The following SGCG variants were observed in gnomAD, a reference collection of about 807,000 sequenced individuals.
SGCG encodes gamma-sarcoglycan.
SGCG carries 26 observed loss-of-function variants against 29.3 expected under a neutral mutation model. That is an observed-to-expected ratio of 0.89 (90% confidence interval 0.65 to 1.23). The LOEUF (loss-of-function observed/expected upper bound fraction) is 1.23, where lower values mean the gene tolerates loss of function less well. Among genes scored for constraint, SGCG ranks in the 50% most tolerant of loss-of-function variants. The probability of loss-of-function intolerance (pLI) is 0.00; values close to 1 mark genes in which losing one functional copy is unlikely to be tolerated. For synonymous variants in SGCG, 145 were observed against 129.7 expected (o/e 1.12, Z -0.80); for missense variants, 353 against 356.0 (o/e 0.99, Z 0.07).
chr13:23,257,212 G>A (rs887042409), intron 4 of SGCG, among the ~76,000 whole-genome samples: 11 of 152,000 alleles, frequency 7.2e-5, no homozygotes, highest in African/African-American at 1.9e-4. Context: ...CTTTGCCCAC[G>A]TTTTTGATTC....
chr13:23,266,931 T>C (rs994064097), intron 4 of SGCG, among the ~76,000 whole-genome samples: 1 of 152,154 alleles, frequency 6.6e-6, no homozygotes, highest in Admixed American at 6.6e-5. Flanking sequence ...AATTTCTTTG[T>C]AGCAATGCAA....
chr13:23,257,146 T>C (rs1468188816), intron 4 of SGCG, among the ~76,000 whole-genome samples: 1 of 152,194 alleles, frequency 6.6e-6, no homozygotes, highest in Non-Finnish European at 1.5e-5. Context: ...TGAGCATTTT[T>C]TCATGTGTCT....
chr13:23,312,821 T>G (rs1882653933), intron 6 of SGCG, among the ~76,000 whole-genome samples: 3 of 53,836 alleles, frequency 5.6e-5, no homozygotes, highest in Admixed American at 2.8e-4. Flanking sequence ...ATGTGACATT[T>G]GAAAAAAAAT....
At chr13:23,162,628 A>G in the SGCG span, among the ~76,000 whole-genome samples, 1 of 151,804 alleles carries the variant, frequency 6.6e-6, no homozygotes, top group Non-Finnish European at 1.5e-5. Context: ...TCCGTCTCTT[A>G]AAAACGAGCC....
the SGCG span, among the ~76,000 whole-genome samples, chr13:23,164,803 C>A: frequency 6.6e-6 from 1 of 152,194 alleles, no homozygotes; most frequent in Non-Finnish European, 1.5e-5. Context: ...CTGCTCCCTA[C>A]CACTCACAGC....
At chr13:23,228,833 GT>G (rs1348259485) in intron 2 of SGCG, among the ~76,000 whole-genome samples, 5 of 152,080 alleles carry the variant, frequency 3.3e-5, no homozygotes, top group Non-Finnish European at 7.4e-5. Flanking sequence ...GTATTCCATA[GT>G]GTATATGTAC....
At chr13:23,321,022 A>G (rs1373275812) in intron 7 of SGCG, among the ~76,000 whole-genome samples, 2 of 151,740 alleles carry the variant, frequency 1.3e-5, no homozygotes, top group African/African-American at 2.4e-5. Context: ...GTGACTTGTT[A>G]TTTTCAAGTC....
intron 4 of SGCG, among the ~76,000 whole-genome samples, chr13:23,271,466 A>C (rs1258500143): frequency 6.6e-6 from 1 of 152,220 alleles, no homozygotes; most frequent in Non-Finnish European, 1.5e-5. Context: ...TTACAAATTT[A>C]TGTTGAGCTG....
intron 2 of SGCG, among the ~76,000 whole-genome samples, chr13:23,206,890 CA>C (rs1878000646): frequency 6.6e-6 from 1 of 152,068 alleles, no homozygotes; most frequent in African/African-American, 2.4e-5. Context: ...TACATTGTAC[CA>C]AAAGTGATCT....
chr13:23,203,554 A>T (rs1156570696), intron 1 of SGCG, 141 bp from the exon 2 acceptor site: 6 of 690,618 alleles, frequency 8.7e-6, no homozygotes, highest in Non-Finnish European at 1.6e-5. Flanking sequence ...TTATCTTTTT[A>T]AAAATCATTA....
chr13:23,246,758 G>T, intron 3 of SGCG: 1 of 213,842 alleles, frequency 4.7e-6, no homozygotes, highest in South Asian at 8.5e-5. Flanking sequence ...GCAGCTGGCC[G>T]TCTCTCTTAA....
chr13:23,187,203 A>G (rs1303397945), intron 1 of SGCG, among the ~76,000 whole-genome samples: 1 of 152,182 alleles, frequency 6.6e-6, no homozygotes, highest in Admixed American at 6.5e-5. Context: ...AGCTGTGTCA[A>G]CTGGGTGAGC....
intron 3 of SGCG, among the ~76,000 whole-genome samples, chr13:23,237,469 A>G (rs1034999757): frequency 6.6e-6 from 1 of 152,262 alleles, no homozygotes; most frequent in Non-Finnish European, 1.5e-5. Context: ...AGGCAAGCCC[A>G]TTGCATAAGA....
intron 2 of SGCG, among the ~76,000 whole-genome samples, chr13:23,233,233 C>T (rs1879177442): frequency 6.6e-6 from 1 of 151,868 alleles, no homozygotes; most frequent in Non-Finnish European, 1.5e-5. Context: ...ATTATTCAGC[C>T]TTAAAAAAAC....
intron 1 of SGCG, among the ~76,000 whole-genome samples, chr13:23,187,334 C>T (rs1277276617): frequency 2.0e-5 from 3 of 152,204 alleles, no homozygotes; most frequent in Non-Finnish European, 4.4e-5. Flanking sequence ...ACTTCTCTGT[C>T]CTCCCTATTC....
At chr13:23,181,424 C>T (rs557954284) in intron 1 of SGCG, among the ~76,000 whole-genome samples, 15 of 152,314 alleles carry the variant, frequency 9.8e-5, no homozygotes, top group Admixed American at 9.1e-4. Flanking sequence ...AGATCACCTA[C>T]TTCTAATTCT....
chr13:23,262,940 A>T (rs908516016), intron 4 of SGCG, among the ~76,000 whole-genome samples: 4 of 152,072 alleles, frequency 2.6e-5, no homozygotes, highest in Non-Finnish European at 5.9e-5. Flanking sequence ...ATGGAAATTT[A>T]AAAATGTTTC....
At chr13:23,238,881 G>C (rs1879404782) in intron 3 of SGCG, among the ~76,000 whole-genome samples, 1 of 152,080 alleles carries the variant, frequency 6.6e-6, no homozygotes, top group African/African-American at 2.4e-5. Flanking sequence ...CCAAAATGGA[G>C]CACAGAGAAA....
intron 2 of SGCG, among the ~76,000 whole-genome samples, chr13:23,212,630 T>A (rs1878269487): frequency 1.3e-5 from 2 of 152,174 alleles, no homozygotes; most frequent in African/African-American, 4.8e-5. Context: ...GAAGAATAAC[T>A]GAACCCCTCA....
Sources: gnomAD v4.1 joint callset for allele counts (sites outside exome capture counted in the v4.1 genomes callset) on GRCh38, gnomAD v4.1.1 for gene constraint, MANE v1.5 for transcripts, NCBI Gene and HGNC (gene_info 2026-07-23, HGNC 2026-07-21) for gene names.